DOT1L: variants seen among roughly 807,000 people sequenced by gnomAD.
DOT1L encodes the protein DOT1 like histone lysine methyltransferase.
In DOT1L, 33 loss-of-function variants were observed where a neutral mutation model predicts 153.3. The ratio of observed to expected loss-of-function variants is 0.22; its 90% CI spans 0.16 to 0.29. DOT1L has a LOEUF of 0.29. DOT1L is among the 10% of genes least tolerant of loss of function. The probability of loss-of-function intolerance (pLI) is 1.00; values close to 1 mark genes in which losing one functional copy is unlikely to be tolerated. For missense variants in DOT1L, 1,847 were observed against 2,119.9 expected, an observed-to-expected ratio of 0.87 and a Z score of 2.53; for synonymous variants, 1,135 against 965.1, an observed-to-expected ratio of 1.18 and a Z score of -3.26.
chr19:2,208,986 T>G lies in DOT1L; in HGVS notation c.1005+10T>G. The G allele has an allele frequency of 6.2e-7, 1 of 1,612,524 alleles. No individual in the cohort carries two copies. Among genetic ancestry groups the G allele is most frequent in the East Asian group, 2.2e-5 (1 of 44,850 alleles). On this transcript the variant is annotated intron_variant, in intron 12 of 27. Coordinates refer to ENST00000398665, the MANE Select transcript of DOT1L (RefSeq NM_032482.3). This position sits in a 1 kb window ranked among gnomAD's most constrained non-coding sequence, Gnocchi z 4.4. The stretch of plus-strand genomic sequence containing the variant: ...AAACCCAAAACTCAGGGTAAGTTTG[T>G]GTGTTTTTTCTCTTGGGTTAATAAC...
intron 2 of DOT1L, among the ~76,000 whole-genome samples, chr19:2,182,791 A>G (rs553856600): frequency 6.6e-6 from 1 of 152,142 alleles, no homozygotes; most frequent in Non-Finnish European, 1.5e-5. Context: ...GATCTCAGGC[A>G]GTGGCGGTGA....
chr19:2,187,863 A>T (rs918493856), intron 3 of DOT1L, among the ~76,000 whole-genome samples: 4 of 149,312 alleles, frequency 2.7e-5, no homozygotes, highest in Non-Finnish European at 4.4e-5. Context: ...CGGAGCTTGC[A>T]GTGAGCTGAG....
chr19:2,167,220 G>A (rs1448697236), intron 1 of DOT1L, among the ~76,000 whole-genome samples: 2 of 152,162 alleles, frequency 1.3e-5, no homozygotes, highest in East Asian at 1.9e-4. Context: ...GGGGTGGACC[G>A]CACGGCCTGT....
intron 1 of DOT1L, among the ~76,000 whole-genome samples, chr19:2,171,166 C>T (rs2021598851): frequency 6.6e-6 from 1 of 152,124 alleles, no homozygotes; most frequent in Admixed American, 6.6e-5. Flanking sequence ...CTGTGTTGCC[C>T]CAGGCTAGTG....
Position 2,191,368 on chromosome 19 carries a change from C to A in DOT1L, c.493+128C>A. 2.1e-6 allele frequency: 2 copies of A among 943,692 alleles called. No individual in the cohort carries two copies. Among genetic ancestry groups the A allele is most frequent in the Non-Finnish European group, 3.2e-6 (2 of 615,448 alleles). 58.5% of individuals were successfully genotyped at this position (943,692 alleles called of 1,614,324 possible). ...GTTGGCGTGGACAGTGCTTCCTTCT[C>A]CCAGCGCCTCTGTCCCGCTGTGGGG... On this transcript the variant is annotated intron_variant, in intron 5 of 27. Transcript: ENST00000398665. This position sits in a 1 kb window ranked among gnomAD's most constrained non-coding sequence, Gnocchi z 6.8.
intron 7 of DOT1L, among the ~76,000 whole-genome samples, chr19:2,198,302 G>T (rs572667968): frequency 6.6e-6 from 1 of 152,316 alleles, no homozygotes; most frequent in East Asian, 1.9e-4. Flanking sequence ...AGACGGGTGT[G>T]GGGGGTGGCC....
At chr19:2,209,211 C>T (rs1266417090) in intron 12 of DOT1L, among the ~76,000 whole-genome samples, 1 of 152,084 alleles carries the variant, frequency 6.6e-6, no homozygotes, top group African/African-American at 2.4e-5. Context: ...TCTCCCAGCC[C>T]TTTTCTCTCA....
chr19:2,214,382 G>A, intron 18 of DOT1L, 89 bp from the exon 19 acceptor site: 1 of 1,550,324 alleles, frequency 6.5e-7, no homozygotes, highest in Non-Finnish European at 8.7e-7. Flanking sequence ...TGTTGGCTGA[G>A]GCAGGCCCAG....
chr19:2,173,430 CAGTG>C (rs1486957983), intron 1 of DOT1L, among the ~76,000 whole-genome samples: 1 of 152,210 alleles, frequency 6.6e-6, no homozygotes, highest in Non-Finnish European at 1.5e-5. Flanking sequence ...CCGCGGATCA[CAGTG>C]AGAGCAGCCA....
chr19:2,164,961 C>T (rs974575467), intron 1 of DOT1L, among the ~76,000 whole-genome samples: 2 of 152,212 alleles, frequency 1.3e-5, no homozygotes, highest in African/African-American at 4.8e-5. Context: ...ATTGGGCTCA[C>T]CCCCGGAGTT....
chr19:2,211,838 A>C lies in DOT1L; in HGVS notation c.1553A>C (p.Glu518Ala). The change falls in exon 16 of 28, where the codon GAG becomes GCG. Residue 518 changes from glutamate (E) to alanine (A), a missense_variant. This residue lies in a region of DOT1L where 156 missense variants were observed against 235.7 expected (regional missense o/e 0.66). Transcript: ENST00000398665. Reference protein sequence around the residue: ...KASLQELLGQEKEKNAQLLGA... With the variant: ...KASLQELLGQAKEKNAQLLGA... ...AGCCTGCAGGAGCTGCTGGGCCAGG[A>C]GAAGGTGGGTCCTGGCCCCCTTGGC... 2 of 1,564,958 alleles carry C rather than the reference A, an allele frequency of 1.3e-6. No individual in the cohort carries two copies. Among genetic ancestry groups the C allele is most frequent in the Non-Finnish European group, 1.7e-6 (2 of 1,154,730 alleles).
At position 2,222,590 on chromosome 19, in the gene DOT1L, C is replaced by T. The variant is rs756538856; in HGVS notation, c.3390+31C>T. 2.7e-6 allele frequency: 4 copies of T among 1,503,042 alleles called. No homozygotes were observed. 93.1% of individuals were successfully genotyped at this position (1,503,042 alleles called of 1,614,324 possible). A position where few individuals can be genotyped will look rare whatever the true frequency, so the allele number is the denominator to read the frequency against. ...GATGGGGACCGGCAGGGCTGGGGAG[C>T]GCGGCCTGTGAAAGAAAGACCAGAG... On this transcript the variant is annotated intron_variant, in intron 24 of 27. Transcript: ENST00000398665. The surrounding 1 kb of genome is among the most constrained non-coding windows in gnomAD (Gnocchi z 6.5).
Position 2,210,641 on chromosome 19 carries a change from G to A in DOT1L, c.1137G>A (p.Glu379=). Residue 379 remains glutamate, a synonymous_variant, in exon 14 of 28, where the codon GAG becomes GAA. Transcript: ENST00000398665. ...TCCAGGACTCTGGTGCTGAGGAAGAGAAGGCGGGAGCAGCCACCGTGAAGA... is the reference window on the plus strand; with the variant it reads ...TCCAGGACTCTGGTGCTGAGGAAGAAAAGGCGGGAGCAGCCACCGTGAAGA... ...DAPMDSGAEE[E]KAGAATVKKP... The A allele has an allele frequency of 6.2e-7, 1 of 1,612,730 alleles. No individual in the cohort carries two copies. Among genetic ancestry groups the A allele is most frequent in the Non-Finnish European group, 8.5e-7 (1 of 1,179,816 alleles).
intron 22 of DOT1L, among the ~76,000 whole-genome samples, chr19:2,218,563 T>G (rs1190091526): frequency 6.9e-6 from 1 of 144,944 alleles, no homozygotes; most frequent in African/African-American, 2.6e-5. Flanking sequence ...CTGGCTAATT[T>G]TTTGTATTTT....
In DOT1L at chr19:2,230,152, C is replaced by T. The variant is rs970925493; in HGVS notation, c.*360C>T. 8 of 512,200 alleles carry T rather than the reference C, an allele frequency of 1.6e-5. No homozygotes were observed. Among genetic ancestry groups the T allele is most frequent in the Non-Finnish European group, 2.7e-5 (8 of 293,396 alleles). 31.7% of individuals were successfully genotyped at this position (512,200 alleles called of 1,614,324 possible). On this transcript the variant is annotated 3_prime_UTR_variant, in exon 28 of 28. Transcript: ENST00000398665. ...GGCCCGCCAGCGGATTCGCCACAGC[C>T]TGCCCCGGTGCTATCTCGTCCCCAG...
chr19:2,220,652 C>T lies in DOT1L; in HGVS notation c.2806+430C>T, dbSNP rs1042288100. 1 of 399,524 alleles carries T rather than the reference C, an allele frequency of 2.5e-6. No homozygotes were observed. Among genetic ancestry groups the T allele is most frequent in the African/African-American group, 2.1e-5 (1 of 48,018 alleles). 24.7% of individuals were successfully genotyped at this position (399,524 alleles called of 1,614,324 possible). A position where few individuals can be genotyped will look rare whatever the true frequency, so the allele number is the denominator to read the frequency against. ...CTTGAGAAGGTGCCGCCTGAGCAGT[C>T]TCTGCTGTTAGCCCAGTTTCTGCAG... On this transcript the variant is annotated intron_variant, in intron 23 of 27. Transcript: ENST00000398665. This position sits in a 1 kb window ranked among gnomAD's most constrained non-coding sequence, Gnocchi z 4.5.
chr19:2,209,081 G>C, intron 12 of DOT1L, 105 bp downstream of exon 12: 1 of 1,313,774 alleles, frequency 7.6e-7, no homozygotes. Context: ...CTGGAGCACA[G>C]CCCTGCCGCC....
intron 1 of DOT1L, among the ~76,000 whole-genome samples, chr19:2,170,590 G>A (rs1159412835): frequency 1.3e-5 from 2 of 152,104 alleles, no homozygotes; most frequent in African/African-American, 2.4e-5. Flanking sequence ...ATCCCACGGG[G>A]TAAGGGCTCA....
Position 2,226,435 on chromosome 19 carries a change from G to C in DOT1L, c.3914G>C (p.Gly1305Ala), listed in dbSNP as rs369221467. ...CCCGGCTCCCTGTCGGGGGCTGACG[G>C]ACTCAGCCCGGGCACCAACCCTGCC... is the stretch of plus-strand genomic sequence containing the variant. Reference protein sequence around the residue: ...GFPGSLSGADGLSPGTNPANG... With the variant: ...GFPGSLSGADALSPGTNPANG... Residue 1305 changes from glycine to alanine, a missense_variant, in exon 27 of 28, where the codon GGA becomes GCA. Gly to Ala is a moderately conservative substitution (Grantham distance 60). Around this residue, in one of 8 missense-constraint regions of DOT1L, gnomAD observed 934 missense variants for 825.3 expected, o/e 1.13. Transcript: ENST00000398665. 39 of 1,600,982 alleles carry C rather than the reference G, an allele frequency of 2.4e-5. No individual in the cohort carries two copies. Among genetic ancestry groups the C allele is most frequent in the Non-Finnish European group, 2.9e-5 (34 of 1,178,838 alleles).
Sources: allele counts gnomAD v4.1 joint callset (sites outside exome capture counted in the v4.1 genomes callset), GRCh38; gene constraint gnomAD v4.1.1; regional missense constraint gnomAD v4.1.1; non-coding constraint Gnocchi (gnomAD v3.1); transcripts MANE v1.5; gene names NCBI Gene and HGNC (gene_info 2026-07-23, HGNC 2026-07-21).